Variants in SNX30 observed in about 807,000 individuals in gnomAD.
SNX30 encodes sorting nexin-30.
In SNX30, 24 loss-of-function variants were observed where a neutral mutation model predicts 46.4. That is an observed-to-expected ratio of 0.52 (90% CI 0.37 to 0.73). The LOEUF (loss-of-function observed/expected upper bound fraction) is 0.73, where lower values mean the gene tolerates loss of function less well. SNX30 is among the 30% of genes least tolerant of loss of function. The pLI is 0.00. For synonymous variants in SNX30, 189 were observed against 211.5 expected, an observed-to-expected ratio of 0.89 and a Z score of 0.92; for missense variants, 533 against 555.7, an observed-to-expected ratio of 0.96 and a Z score of 0.41.
At chr9:112,810,042 ATTGT>A (rs1458093068) in intron 2 of SNX30, among the ~76,000 whole-genome samples, 1 of 151,986 alleles carries the variant, frequency 6.6e-6, no homozygotes, top group Non-Finnish European at 1.5e-5. Flanking sequence ...TACTTTTTCC[ATTGT>A]TTGTGGAGAA....
exon 5 of SNX30, chr9:112,880,330 C>CACAAAAAAAA (rs1841561448): frequency 1.1e-5 from 1 of 91,110 alleles, no homozygotes; most frequent in African/African-American, 4.0e-5. Context: ...GATTCTGTCT[C>CACAAAAAAAA]AAAAAAAAAA....
At chr9:112,830,695 A>G in intron 3 of SNX30, 30 bp from the exon 4 acceptor site, 2 of 1,593,886 alleles carry the variant, frequency 1.3e-6, no homozygotes, top group Non-Finnish European at 1.7e-6. Context: ...CTCATCAATT[A>G]CTCTGGTTTT....
At chr9:112,763,991 C>T (rs565881376) in intron 1 of SNX30, among the ~76,000 whole-genome samples, 42 of 152,240 alleles carry the variant, frequency 2.8e-4, no homozygotes, top group African/African-American at 8.2e-4. Context: ...AATTTCACAT[C>T]ACCCACCCCT....
chr9:112,831,007 G>C, intron 4 of SNX30, 124 bp downstream of exon 4: 5 of 1,009,766 alleles, frequency 5.0e-6, no homozygotes, highest in Non-Finnish European at 7.0e-6. Flanking sequence ...GTGTGATGTT[G>C]TGCGCCTGTA....
At chr9:112,837,080 G>A (rs962847845) in intron 5 of SNX30, among the ~76,000 whole-genome samples, 2 of 152,182 alleles carry the variant, frequency 1.3e-5, no homozygotes, top group East Asian at 1.9e-4. Context: ...TGGGAAGCAC[G>A]TTGAGGATTC....
At chr9:112,865,661 A>ATATATATATATATATATGTGTGTG in intron 8 of SNX30, among the ~76,000 whole-genome samples, 2 of 105,702 alleles carry the variant, frequency 1.9e-5, no homozygotes, top group African/African-American at 7.6e-5. Flanking sequence ...ATATATATAT[A>ATATATATATATATATATGTGTGTG]TGTATGTATG....
chr9:112,797,711 C>CTTTTTCT (rs1554751755), intron 1 of SNX30, among the ~76,000 whole-genome samples: 8 of 121,358 alleles, frequency 6.6e-5, no homozygotes, highest in Non-Finnish European at 1.1e-4. Flanking sequence ...TTTTCTTTTT[C>CTTTTTCT]TTTTTTTTTT....
intron 5 of SNX30, among the ~76,000 whole-genome samples, chr9:112,837,525 G>A (rs1419526181): frequency 6.6e-6 from 1 of 152,022 alleles, no homozygotes; most frequent in Non-Finnish European, 1.5e-5. Context: ...GCCCAGGCTG[G>A]AGTGCAGTGG....
chr9:112,834,843 A>AACACACACACACACACACACACAC (rs79118828), intron 4 of SNX30, among the ~76,000 whole-genome samples: 3 of 78,314 alleles, frequency 3.8e-5, no homozygotes, highest in Admixed American at 1.2e-4. Context: ...CACACACACA[A>AACACACACACACACACACACACAC]ACACACACAC....
chr9:112,832,649 A>T lies in SNX30; in HGVS notation c.618+1766A>T, dbSNP rs185678564. Among the ~76,000 whole-genome samples, 1,265 of 140,538 alleles carry T rather than the reference A, an allele frequency of 9.0e-3. 22 individuals are homozygous for T. Among genetic ancestry groups the T allele is most frequent in the African/African-American group, 0.032 (1,185 of 37,330 alleles). 92.2% of individuals were successfully genotyped at this position (140,538 alleles called of 152,430 possible). On this transcript the variant is annotated intron_variant, in intron 4 of 8. Transcript: ENST00000374232. Reference sequence around the variant, plus strand: ...TGTGGGGTTGGGGGAGGGGGGAGGGATAGCATTAGGAGATATACCTAATGC... The same window carrying T: ...TGTGGGGTTGGGGGAGGGGGGAGGGTTAGCATTAGGAGATATACCTAATGC...
chr9:112,777,780 G>C (rs565275002), intron 1 of SNX30, among the ~76,000 whole-genome samples: 84 of 152,050 alleles, frequency 5.5e-4, no homozygotes, highest in Admixed American at 9.2e-4. Context: ...AACAGCAACA[G>C]CTTTTAAACT....
At position 112,850,860 on chromosome 9, in the gene SNX30, G is replaced by T. The variant is rs763752156; in HGVS notation, c.1016G>T (p.Ser339Ile). 1.2e-6 allele frequency: 2 copies of T among 1,613,012 alleles called. No homozygotes were observed. The highest frequency in any genetic ancestry group is 4.5e-5 in the East Asian group (2 of 44,870). The change falls in exon 7 of 9, where the codon AGT becomes ATT. Residue 339 changes from serine to isoleucine, a missense_variant and splice_region_variant. By Grantham distance (142) the Ser-to-Ile change is moderately radical (BLOSUM62 -2). Transcript: ENST00000374232. Reference protein sequence around the residue: ...EYILYSDSMKSVLKKRDQVQA... With the variant: ...EYILYSDSMKIVLKKRDQVQA... Reference sequence around the variant, plus strand: ...GCTTCTCTCCTCTGCCTCCCACAGAGTGTATTGAAGAAGAGGGACCAAGTT... The same window carrying T: ...GCTTCTCTCCTCTGCCTCCCACAGATTGTATTGAAGAAGAGGGACCAAGTT...
chr9:112,816,094 T>TC (rs910038726), intron 2 of SNX30, among the ~76,000 whole-genome samples: 5 of 151,918 alleles, frequency 3.3e-5, no homozygotes, highest in African/African-American at 9.7e-5. Flanking sequence ...AATCCTTCCT[T>TC]CTTGGCCTCT....
intron 2 of SNX30, 81 bp downstream of exon 2, chr9:112,805,048 C>G: frequency 1.8e-6 from 2 of 1,112,444 alleles, no homozygotes. Flanking sequence ...TGCCTTTGCT[C>G]TCCCCCTTAT....
Position 112,862,409 on chromosome 9 carries a change from T to G in SNX30, c.1102-1838T>G, listed in dbSNP as rs141377725. ...CAGGAGACGGGTAAGGGAACTGGCC[T>G]GTGCCTGTGGGGAGGTGAGGCCAGC... On this transcript the variant is annotated intron_variant, in intron 7 of 8. Transcript: ENST00000374232. 6.0e-3 allele frequency among the ~76,000 whole-genome samples: 914 copies of G among 152,328 alleles called. 9 individuals carry two copies. The highest frequency in any genetic ancestry group is 0.021 in the African/African-American group (856 of 41,582).
chr9:112,836,398 A>G lies in SNX30; in HGVS notation c.803A>G (p.Lys268Arg), dbSNP rs1459345793. The change falls in exon 5 of 9, where the codon AAA becomes AGA. Residue 268 changes from lysine to arginine, a missense_variant. Lys to Arg is a conservative substitution (Grantham distance 26, BLOSUM62 2). Coordinates refer to ENST00000374232, the MANE Select transcript of SNX30 (RefSeq NM_001012994.2). ...GATCGAATAGCCCAGCGGATCATCA[A>G]AGAAGAAATAGGTGAGCTGTCTGTT... ...TIDRIAQRII[K>R]EEIEYLVELR... The G allele has an allele frequency of 1.3e-6, 2 of 1,591,894 alleles. No individual in the cohort carries two copies. Among genetic ancestry groups the G allele is most frequent in the Non-Finnish European group, 8.6e-7 (1 of 1,161,182 alleles).
intron 1 of SNX30, among the ~76,000 whole-genome samples, chr9:112,769,873 T>C (rs1458240763): frequency 6.6e-6 from 1 of 152,134 alleles, no homozygotes; most frequent in African/African-American, 2.4e-5. Context: ...TCACTCTTAA[T>C]TCCAAGGATA....
At chr9:112,777,561 G>T (rs929960324) in intron 1 of SNX30, among the ~76,000 whole-genome samples, 12 of 150,822 alleles carry the variant, frequency 8.0e-5, no homozygotes, top group African/African-American at 2.9e-4. Flanking sequence ...AGAGTAGCTG[G>T]GACTACAGGT....
intron 3 of SNX30, among the ~76,000 whole-genome samples, chr9:112,824,910 G>A (rs898307882): frequency 6.6e-6 from 1 of 152,132 alleles, no homozygotes; most frequent in Non-Finnish European, 1.5e-5. Context: ...ACCATTGAGT[G>A]TTGTACGACC....
Sources: gnomAD v4.1 joint callset for allele counts (sites outside exome capture counted in the v4.1 genomes callset) on GRCh38, gnomAD v4.1.1 for gene constraint, MANE v1.5 for transcripts, NCBI Gene and HGNC (gene_info 2026-07-23, HGNC 2026-07-21) for gene names.